The following XPR1 variants were observed in gnomAD, a reference collection of about 807,000 sequenced individuals.
XPR1 encodes xenotropic and polytropic retrovirus receptor 1.
XPR1 carries 28 observed loss-of-function variants against 87.5 expected under a neutral mutation model. That is an observed-to-expected ratio of 0.32 (90% CI 0.24 to 0.44). The LOEUF (loss-of-function observed/expected upper bound fraction) is 0.44, where lower values mean the gene tolerates loss of function less well. Among genes scored for constraint, XPR1 ranks in the 20% least tolerant of loss-of-function variants. The pLI is 1.00. For missense variants in XPR1, 559 were observed against 862.3 expected (o/e 0.65, Z 4.41); for synonymous variants, 300 against 306.1 (o/e 0.98, Z 0.21).
chr1:180,727,947 C>G (rs1658411516), intron 2 of XPR1, among the ~76,000 whole-genome samples: 1 of 152,100 alleles, frequency 6.6e-6, no homozygotes, highest in African/African-American at 2.4e-5. Flanking sequence ...TTTACTGCAA[C>G]CTGTTTTATC....
At chr1:180,674,541 G>C (rs12090598) in intron 1 of XPR1, among the ~76,000 whole-genome samples, 3,075 of 152,050 alleles carry the variant, frequency 0.02, 104 homozygotes, top group African/African-American at 0.071. Context: ...TTACAGGCGT[G>C]AGCCACTGCA....
chr1:180,836,932 G>C (rs1048213929), intron 11 of XPR1, among the ~76,000 whole-genome samples: 1 of 152,096 alleles, frequency 6.6e-6, no homozygotes, highest in Non-Finnish European at 1.5e-5. Flanking sequence ...CAGTCACCCA[G>C]AATAATAATT....
At chr1:180,674,235 C>T (rs1048974630) in intron 1 of XPR1, among the ~76,000 whole-genome samples, 2 of 152,118 alleles carry the variant, frequency 1.3e-5, no homozygotes, top group Non-Finnish European at 2.9e-5. Flanking sequence ...CAAGGTTATA[C>T]AACTTTTGTT....
intron 3 of XPR1, among the ~76,000 whole-genome samples, chr1:180,799,988 A>G (rs1442974988): frequency 6.6e-6 from 1 of 152,206 alleles, no homozygotes; most frequent in Non-Finnish European, 1.5e-5. Flanking sequence ...AAAGTCTGTG[A>G]TTGTTGTACT....
chr1:180,829,598 A>G (rs1449563309), intron 9 of XPR1, among the ~76,000 whole-genome samples: 1 of 152,182 alleles, frequency 6.6e-6, no homozygotes, highest in East Asian at 1.9e-4. Context: ...ATATGGTGCT[A>G]TAATTATACC....
intron 1 of XPR1, among the ~76,000 whole-genome samples, chr1:180,641,139 G>A (rs967599856): frequency 5.9e-5 from 9 of 152,184 alleles, no homozygotes; most frequent in African/African-American, 2.2e-4. Context: ...CTTCAGGCAA[G>A]TCAGTTAACC....
chr1:180,807,521 T>C lies in XPR1; in HGVS notation c.681+964T>C, dbSNP rs555953793. Among the ~76,000 whole-genome samples the C allele has an allele frequency of 2.2e-3, 334 of 152,312 alleles. 1 individual carries two copies. The highest frequency in any genetic ancestry group is 0.016 in the South Asian group (78 of 4,826). Reference sequence around the variant, plus strand: ...CAAAAGATGTGTAAGGCCTTTACATTGAAAACTACAAAACACTGCTGAGCA... The same window carrying C: ...CAAAAGATGTGTAAGGCCTTTACATCGAAAACTACAAAACACTGCTGAGCA... On this transcript the variant is annotated intron_variant, in intron 6 of 14. Coordinates refer to ENST00000367590, the MANE Select transcript of XPR1 (RefSeq NM_004736.4).
At chr1:180,749,933 G>T (rs760467886) in intron 2 of XPR1, among the ~76,000 whole-genome samples, 14 of 152,218 alleles carry the variant, frequency 9.2e-5, no homozygotes, top group Admixed American at 6.5e-4. Context: ...AGGGTTGAGG[G>T]AATATGGTTT....
At chr1:180,799,110 C>G (rs1308771891) in intron 3 of XPR1, among the ~76,000 whole-genome samples, 1 of 152,140 alleles carries the variant, frequency 6.6e-6, no homozygotes, top group Non-Finnish European at 1.5e-5. Flanking sequence ...GTACAAAGAA[C>G]CCAAAATGGC....
intron 1 of XPR1, among the ~76,000 whole-genome samples, chr1:180,654,039 G>T (rs190361872): frequency 4.6e-5 from 7 of 152,264 alleles, no homozygotes; most frequent in South Asian, 2.1e-4. Context: ...CTGAGTCTCA[G>T]ATCTTCCAGT....
chr1:180,864,584 A>T (rs1002048421), intron 12 of XPR1, among the ~76,000 whole-genome samples: 4 of 152,142 alleles, frequency 2.6e-5, no homozygotes, highest in Admixed American at 2.0e-4. Flanking sequence ...CATTTATTTC[A>T]TCTAATATTT....
At chr1:180,878,015 A>G (rs1478164992) in intron 13 of XPR1, 7 of 152,278 alleles carry the variant, frequency 4.6e-5, no homozygotes. Context: ...GAGAGAAAGC[A>G]TGACTCTGGA....
chr1:180,876,701 C>A (rs2102222663), intron 13 of XPR1, among the ~76,000 whole-genome samples: 1 of 151,140 alleles, frequency 6.6e-6, no homozygotes, highest in East Asian at 1.9e-4. Context: ...AAAAGAACCT[C>A]TATATTTGTA....
intron 1 of XPR1, among the ~76,000 whole-genome samples, chr1:180,638,949 A>G (rs560258285): frequency 4.6e-5 from 7 of 152,226 alleles, no homozygotes; most frequent in South Asian, 2.1e-4. Context: ...TTAGTCACCT[A>G]TTTCTTCCCA....
At chr1:180,750,978 C>T (rs985703481) in intron 2 of XPR1, among the ~76,000 whole-genome samples, 7 of 152,024 alleles carry the variant, frequency 4.6e-5, no homozygotes, top group Non-Finnish European at 1.0e-4. Flanking sequence ...AGATCTTGCA[C>T]ATATGTTGCT....
intron 2 of XPR1, among the ~76,000 whole-genome samples, chr1:180,730,206 A>G (rs566900502): frequency 2.6e-5 from 4 of 152,170 alleles, no homozygotes; most frequent in Non-Finnish European, 5.9e-5. Flanking sequence ...GTAGGTGTGC[A>G]GCTTTATTTC....
chr1:180,714,482 G>A (rs555294977), intron 2 of XPR1, among the ~76,000 whole-genome samples: 2 of 150,094 alleles, frequency 1.3e-5, no homozygotes, highest in African/African-American at 4.9e-5. Flanking sequence ...ATAGCACGCT[G>A]TAACCTCAAC....
intron 3 of XPR1, among the ~76,000 whole-genome samples, chr1:180,795,830 C>T (rs540138526): frequency 3.3e-5 from 5 of 152,124 alleles, no homozygotes; most frequent in South Asian, 2.1e-4. Flanking sequence ...TATTTTGAGA[C>T]GGAGTCTTGC....
At position 180,880,124 on chromosome 1, in the gene XPR1, CTG is replaced by C; in HGVS notation, c.1860_1861del (p.Cys620TrpfsTer2). 1 of 1,614,178 alleles carries C rather than the reference CTG, an allele frequency of 6.2e-7. No individual in the cohort carries two copies. Among genetic ancestry groups the C allele is most frequent in the Non-Finnish European group, 8.5e-7 (1 of 1,180,034 alleles). On this transcript the variant is annotated frameshift_variant, in exon 14 of 15. Coordinates refer to ENST00000367590, the MANE Select transcript of XPR1 (RefSeq NM_004736.4). LOFTEE classifies it high-confidence loss of function. ...FRLENEHLNN[C>X]GEFRAVRDIS... ...GCCTGGAGAATGAACATCTGAATAA[CTG>C]TGGTGAATTCCGTGCTGTGCGGGAC... is the stretch of plus-strand genomic sequence containing the variant.
Sources: allele counts gnomAD v4.1 joint callset (sites outside exome capture counted in the v4.1 genomes callset), GRCh38; gene constraint gnomAD v4.1.1; transcripts MANE v1.5; gene names NCBI Gene and HGNC (gene_info 2026-07-23, HGNC 2026-07-21).